The following NIPBL variants were observed in gnomAD, a reference collection of about 807,000 sequenced individuals.
NIPBL encodes the protein NIPBL cohesin loading factor, also known as nipped-B-like protein.
NIPBL carries 19 observed loss-of-function variants against 321.8 expected under a neutral mutation model. That is an observed-to-expected ratio of 0.06 (90% CI 0.04 to 0.09). The LOEUF is 0.09. Among genes scored for constraint, NIPBL ranks in the 10% least tolerant of loss-of-function variants. The pLI is 1.00. For synonymous variants in NIPBL, 1,106 were observed against 1,114.1 expected (o/e 0.99, Z 0.14); for missense variants, 2,210 against 3,327.0 (o/e 0.66, Z 8.26).
chr5:37,024,414 TAAA>T (rs898464307), intron 29 of NIPBL, among the ~76,000 whole-genome samples, 168 bp from the exon 30 acceptor site: 1 of 151,468 alleles, frequency 6.6e-6, no homozygotes, highest in African/African-American at 2.4e-5. Flanking sequence ...AAAGACAACA[TAAA>T]AAAATAACAC....
At chr5:36,984,233 G>C (rs2149642120) in intron 9 of NIPBL, among the ~76,000 whole-genome samples, 1 of 151,530 alleles carries the variant, frequency 6.6e-6, no homozygotes, top group South Asian at 2.1e-4. Context: ...TTGGTATATT[G>C]GCAGATTTGG....
chr5:37,045,434 C>T lies in NIPBL; in HGVS notation c.6344-9C>T. ...AATATTATAAGTAAATATTACTTAT[C>T]TTTATTAGGTGCCATTTCAAAATTA... On this transcript the variant is annotated splice_polypyrimidine_tract_variant and intron_variant, in intron 36 of 46. Transcript: ENST00000282516. 1 of 1,577,358 alleles carries T rather than the reference C, an allele frequency of 6.3e-7. No individual in the cohort carries two copies. Among genetic ancestry groups the T allele is most frequent in the Non-Finnish European group, 8.7e-7 (1 of 1,147,926 alleles).
intron 1 of NIPBL, among the ~76,000 whole-genome samples, chr5:36,893,545 CTT>C (rs1284619419): frequency 6.6e-6 from 1 of 150,608 alleles, no homozygotes; most frequent in Non-Finnish European, 1.5e-5. Context: ...TTAAGTTTCT[CTT>C]TTAGCTGTGT....
At chr5:37,028,902 G>A (rs1750630863) in intron 32 of NIPBL, among the ~76,000 whole-genome samples, 1 of 151,992 alleles carries the variant, frequency 6.6e-6, no homozygotes, top group Non-Finnish European at 1.5e-5. Context: ...CTTTTCTCAT[G>A]CGACTTGTAT....
chr5:37,006,629 A>G (rs1358733239), intron 17 of NIPBL, 41 bp downstream of exon 17: 1 of 1,356,596 alleles, frequency 7.4e-7, no homozygotes. Context: ...AATTTTTGCC[A>G]TGTTAGATGA....
intron 16 of NIPBL, 38 bp downstream of exon 16, chr5:37,003,385 T>C (rs776730623): frequency 9.5e-6 from 12 of 1,261,144 alleles, no homozygotes; most frequent in Middle Eastern, 1.9e-4. Flanking sequence ...TTACCCTTAA[T>C]GTTATTAAGA....
At chr5:36,952,072 G>GCGCA (rs1328676967) in intron 1 of NIPBL, among the ~76,000 whole-genome samples, 24 of 136,728 alleles carry the variant, frequency 1.8e-4, no homozygotes, top group South Asian at 1.6e-3. Context: ...GCGCGCGCGC[G>GCGCA]CATGTGTGTG....
In NIPBL at chr5:36,984,704, T is replaced by G; in HGVS notation, c.1524T>G (p.Asp508Glu). ...AGCCTTTGAAAAAAAGAAAACAAGA[T>G]TCTTACCCACAGGAGGCTGGGGGTG... ...KDKPLKKRKQ[D>E]SYPQEAGGAT... is the part of the protein sequence containing the mutation. The change falls in exon 10 of 47, where the codon GAT becomes GAG. Residue 508 changes from aspartate to glutamate, a missense_variant. Asp to Glu is a conservative substitution (Grantham distance 45, BLOSUM62 2). This residue lies in a region of NIPBL where 2 missense variants were observed against 18.1 expected (regional missense o/e 0.11). Transcript: ENST00000282516. 6.2e-7 allele frequency: 1 copy of G among 1,611,010 alleles called. No individual in the cohort carries two copies. The highest frequency in any genetic ancestry group is 8.5e-7 in the Non-Finnish European group (1 of 1,178,982).
At chr5:36,895,916 A>G (rs1017427851) in intron 1 of NIPBL, among the ~76,000 whole-genome samples, 1 of 152,044 alleles carries the variant, frequency 6.6e-6, no homozygotes, top group African/African-American at 2.4e-5. Context: ...TTGTCTTTTC[A>G]CTTTCTTGAT....
At position 37,064,509 on chromosome 5, in the gene NIPBL, C is replaced by T. The variant is rs773669813; in HGVS notation, c.8050-18C>T. 8.7e-6 allele frequency: 14 copies of T among 1,609,632 alleles called. No individual in the cohort carries two copies. The East Asian group carries it at 3.1e-4, about 36-fold the overall frequency. ...TTGTGTAACACTTGGTCTTTTTTCC[C>T]CCCTCCCAATGTTTTAGTCATTGAG... On this transcript the variant is annotated intron_variant, in intron 46 of 46. Transcript: ENST00000282516.
intron 34 of NIPBL, among the ~76,000 whole-genome samples, chr5:37,041,117 GCT>G (rs1752292787): frequency 6.7e-6 from 1 of 149,692 alleles, no homozygotes; most frequent in African/African-American, 2.5e-5. Context: ...CTGTTCTGTT[GCT>G]CTTTTACTTA....
rs1347586557 is a variant in NIPBL at position 36,980,723 on chromosome 5, T to C, written c.1496-3953T>C. ...ATGATGTTCACGTAACAGAGACACC[T>C]CCTAACAATGCATTTCGCAGAATGT... On this transcript the variant is annotated intron_variant, in intron 9 of 46. Coordinates refer to ENST00000282516, the MANE Select transcript of NIPBL (RefSeq NM_133433.4). 4.0e-5 allele frequency among the ~76,000 whole-genome samples: 6 copies of C among 151,622 alleles called. No individual in the cohort carries two copies. In the East Asian group the frequency reaches 1.2e-3, roughly 29 times the overall value.
At chr5:36,994,567 A>G (rs1426918951) in intron 10 of NIPBL, among the ~76,000 whole-genome samples, 1 of 152,128 alleles carries the variant, frequency 6.6e-6, no homozygotes, top group Non-Finnish European at 1.5e-5. Flanking sequence ...GTAAGTTACT[A>G]ATATTTCCTG....
At chr5:36,906,502 C>T (rs1747649642) in intron 1 of NIPBL, among the ~76,000 whole-genome samples, 1 of 152,064 alleles carries the variant, frequency 6.6e-6, no homozygotes, top group South Asian at 2.1e-4. Flanking sequence ...TTTTTTCTAT[C>T]AAACTACTAA....
chr5:37,010,021 G>C, intron 20 of NIPBL, 66 bp from the exon 21 acceptor site: 1 of 1,257,494 alleles, frequency 8.0e-7, no homozygotes, highest in South Asian at 1.2e-5. Context: ...GAAACTTTCA[G>C]ACAATAGATG....
intron 10 of NIPBL, among the ~76,000 whole-genome samples, chr5:36,986,719 A>C (rs997168755): frequency 3.9e-5 from 6 of 152,212 alleles, no homozygotes; most frequent in African/African-American, 1.4e-4. Flanking sequence ...AATAATTTGT[A>C]TAGTTTAGAA....
At chr5:36,896,250 T>G (rs997240359) in intron 1 of NIPBL, among the ~76,000 whole-genome samples, 3 of 152,208 alleles carry the variant, frequency 2.0e-5, no homozygotes, top group Admixed American at 2.0e-4. Flanking sequence ...AATTTAAGAG[T>G]TTATTTTTGG....
chr5:37,006,343 A>G lies in NIPBL; in HGVS notation c.3856-14A>G, dbSNP rs1747428008. 2 of 1,325,322 alleles carry G rather than the reference A, an allele frequency of 1.5e-6. No homozygotes were observed. Among genetic ancestry groups the G allele is most frequent in the East Asian group, 4.6e-5 (2 of 43,420 alleles). The allele number at this position is 1,325,322 out of a possible 1,614,324, so 82.1% of individuals were successfully genotyped here. A position where few individuals can be genotyped will look rare whatever the true frequency, so the allele number is the denominator to read the frequency against. ...TGTGTTTATTTCCATTTCATTAACA[A>G]TACTGTTTTACAGAATAACGATACT... On this transcript the variant is annotated splice_polypyrimidine_tract_variant and intron_variant, in intron 16 of 46. Transcript: ENST00000282516.
At chr5:36,887,374 AAG>A (rs897139542) in intron 1 of NIPBL, among the ~76,000 whole-genome samples, 1 of 152,232 alleles carries the variant, frequency 6.6e-6, no homozygotes, top group African/African-American at 2.4e-5. Context: ...GTGCTAAAAA[AAG>A]AGCATAGATT....
Sources: gnomAD v4.1 joint callset for allele counts (sites outside exome capture counted in the v4.1 genomes callset) on GRCh38, gnomAD v4.1.1 for gene constraint, gnomAD v4.1.1 regional missense constraint, MANE v1.5 for transcripts, NCBI Gene and HGNC (gene_info 2026-07-23, HGNC 2026-07-21) for gene names.